Variants in ISY1 observed in about 807,000 individuals in gnomAD.
The protein encoded by ISY1 is ISY1 spliceosome associated protein.
In ISY1, 12 loss-of-function variants were observed where a neutral mutation model predicts 54.4. The observed-to-expected ratio is 0.22, with a 90% CI of 0.14 to 0.36. The LOEUF (loss-of-function observed/expected upper bound fraction) is 0.36. ISY1 is among the 10% of genes least tolerant of loss of function. The pLI, the probability that ISY1 is intolerant of heterozygous loss-of-function variation, is 1.00. For missense variants in ISY1, 282 were observed against 342.2 expected, an observed-to-expected ratio of 0.82 and a Z score of 1.39; for synonymous variants, 96 against 117.9, an observed-to-expected ratio of 0.81 and a Z score of 1.20.
intron 4 of ISY1, 86 bp downstream of exon 4, chr3:129,156,769 G>T (rs184547772): frequency 3.8e-6 from 6 of 1,565,058 alleles, no homozygotes; most frequent in Non-Finnish European, 5.2e-6. Flanking sequence ...AAAATACTTA[G>T]ACTTTTGGTC....
intron 5 of ISY1, 36 bp from the exon 6 acceptor site, chr3:129,145,909 A>G (rs1469824633): frequency 6.2e-7 from 1 of 1,605,862 alleles, no homozygotes; most frequent in East Asian, 2.2e-5. Flanking sequence ...TCATTCCATA[A>G]AAATGAATGT....
chr3:129,148,697 TG>T (rs1576885092), intron 5 of ISY1, among the ~76,000 whole-genome samples: 1 of 152,188 alleles, frequency 6.6e-6, no homozygotes. Flanking sequence ...CCCAAGTAGT[TG>T]GGATTACAGG....
At chr3:129,147,197 G>A (rs890959343) in intron 5 of ISY1, among the ~76,000 whole-genome samples, 2 of 151,966 alleles carry the variant, frequency 1.3e-5, no homozygotes, top group Non-Finnish European at 2.9e-5. Flanking sequence ...CCAACATGGG[G>A]GAGTCCTTGT....
chr3:129,141,159 C>T (rs914713375), intron 6 of ISY1, among the ~76,000 whole-genome samples: 5 of 150,056 alleles, frequency 3.3e-5, no homozygotes, highest in Admixed American at 6.7e-5. Flanking sequence ...GAGCCAAGAT[C>T]GTGCCACTGT....
intron 5 of ISY1, among the ~76,000 whole-genome samples, chr3:129,146,807 C>G: frequency 6.6e-6 from 1 of 152,180 alleles, no homozygotes; most frequent in Non-Finnish European, 1.5e-5. Flanking sequence ...CCTGTAATCC[C>G]AGCACTCTGG....
chr3:129,129,778 T>C lies in ISY1; in HGVS notation c.*303A>G, dbSNP rs144998969. ...GCATTTTTAAATGTTTGCCACTAAT[T>C]GATTCTTCTCCCCTCAAAATGGCAG... is the stretch of plus-strand genomic sequence containing the variant. On this transcript the variant is annotated 3_prime_UTR_variant, in exon 11 of 11. Transcript: ENST00000393295. 9.4e-4 allele frequency: 259 copies of C among 276,754 alleles called. No individual in the cohort carries two copies. The highest frequency in any genetic ancestry group is 5.0e-3 in the African/African-American group (231 of 45,916). The allele number at this position is 276,754 out of a possible 1,614,324, so 17.1% of individuals were successfully genotyped here.
intron 5 of ISY1, among the ~76,000 whole-genome samples, chr3:129,152,496 C>T (rs539972928): frequency 1.3e-4 from 20 of 151,902 alleles, no homozygotes; most frequent in Non-Finnish European, 2.5e-4. Context: ...CTCCGCCTCC[C>T]GGGTTCCAGC....
intron 5 of ISY1, among the ~76,000 whole-genome samples, chr3:129,148,848 C>T (rs778955221): frequency 6.6e-6 from 1 of 152,156 alleles, no homozygotes; most frequent in Non-Finnish European, 1.5e-5. Context: ...GGATTACAGG[C>T]GTGAGCCACC....
chr3:129,160,903 C>T (rs934410838), intron 1 of ISY1, 70 bp downstream of exon 1: 2 of 1,517,186 alleles, frequency 1.3e-6, no homozygotes, highest in Admixed American at 2.0e-5. Flanking sequence ...AATGAGCGCC[C>T]CAGGTGGACT....
At chr3:129,151,666 A>G (rs1936975141) in intron 5 of ISY1, among the ~76,000 whole-genome samples, 2 of 152,192 alleles carry the variant, frequency 1.3e-5, no homozygotes, top group South Asian at 4.1e-4. Context: ...CTATGTTACA[A>G]TAAAGACAGT....
rs765518589 is a variant in ISY1 at position 129,156,675 on chromosome 3, T to C, written c.145A>G (p.Ile49Val). The change falls in exon 5 of 11, where the codon ATC becomes GTC. Residue 49 changes from isoleucine to valine, a missense_variant and splice_region_variant. Physicochemically the swap from Ile to Val is conservative, Grantham distance 29 (BLOSUM62 3). Transcript: ENST00000393295. ...ACTTTTTTAGAGATCTCTCCAATGA[T>C]CTATTAAAAAAAAGTAATACATTTT... is the stretch of plus-strand genomic sequence containing the variant. The part of the protein sequence containing the change: ...LPKAEKWRRQ[I>V]IGEISKKVAQ... The C allele has an allele frequency of 1.2e-6, 2 of 1,604,032 alleles. No individual in the cohort carries two copies. Among genetic ancestry groups the C allele is most frequent in the Non-Finnish European group, 8.5e-7 (1 of 1,176,572 alleles).
chr3:129,145,929 T>C, intron 5 of ISY1, 56 bp from the exon 6 acceptor site: 1 of 1,532,960 alleles, frequency 6.5e-7, no homozygotes, highest in Admixed American at 1.7e-5. Context: ...TCAACACCTC[T>C]AACACGTACA....
rs1199049568 is a variant in ISY1 at position 129,149,610 on chromosome 3, AATAT to A, written c.188-3741_188-3738del. Among the ~76,000 whole-genome samples, 226 of 24,602 alleles carry A rather than the reference AATAT, an allele frequency of 9.2e-3. 2 individuals are homozygous for A. The highest frequency in any genetic ancestry group is 0.015 in the Non-Finnish European group (188 of 12,292). 16.1% of individuals were successfully genotyped at this position (24,602 alleles called of 152,430 possible). On this transcript the variant is annotated intron_variant, in intron 5 of 10. Transcript: ENST00000393295. ...AAAAAAAAAAAAAAAAAAAAAAAAA[AATAT>A]ATATATATATATATATATATATACA...
intron 5 of ISY1, among the ~76,000 whole-genome samples, chr3:129,155,396 T>C (rs779870904): frequency 2.3e-4 from 35 of 151,776 alleles, no homozygotes; most frequent in African/African-American, 3.9e-4. Context: ...GGTTTCACCA[T>C]GTTGGCCAGG....
chr3:129,142,216 A>G (rs1936641916), intron 6 of ISY1, among the ~76,000 whole-genome samples: 2 of 152,054 alleles, frequency 1.3e-5, no homozygotes, highest in Admixed American at 1.3e-4. Context: ...CGAAAAAAAA[A>G]AAAAAAAAGA....
At chr3:129,151,106 A>T (rs978512765) in intron 5 of ISY1, among the ~76,000 whole-genome samples, 7 of 150,706 alleles carry the variant, frequency 4.6e-5, no homozygotes, top group African/African-American at 1.7e-4. Context: ...TGGGTGACAG[A>T]GGAAGACTCT....
intron 5 of ISY1, among the ~76,000 whole-genome samples, chr3:129,151,127 A>C (rs1210606209): frequency 4.7e-5 from 7 of 148,138 alleles, no homozygotes; most frequent in Admixed American, 2.0e-4. Context: ...GTCTCAAAAA[A>C]AAATATATAT....
intron 6 of ISY1, 143 bp from the exon 7 acceptor site, chr3:129,140,628 T>A: frequency 1.2e-6 from 1 of 868,702 alleles, no homozygotes. Flanking sequence ...CAGGCTGGAG[T>A]GCAGTAGCAC....
rs1033628357 is a variant in ISY1, at chr3:129,133,978, C to A, written c.663+96G>T. 1.6e-4 allele frequency: 252 copies of A among 1,572,854 alleles called. 1 individual carries two copies. The highest frequency in any genetic ancestry group is 2.1e-4 in the Non-Finnish European group (241 of 1,158,564). ...GCAGGTGAGCAAGCTGGGCTGTGAA[C>A]CCTGACTCTGTATTTGGGAGCCAAG... On this transcript the variant is annotated intron_variant, in intron 9 of 10. Coordinates refer to ENST00000393295, the MANE Select transcript of ISY1 (RefSeq NM_020701.4).
Sources: allele counts gnomAD v4.1 joint callset (sites outside exome capture counted in the v4.1 genomes callset), GRCh38; gene constraint gnomAD v4.1.1; transcripts MANE v1.5; gene names NCBI Gene and HGNC (gene_info 2026-07-23, HGNC 2026-07-21).